The following UFSP2 variants were observed in gnomAD, a reference collection of about 807,000 sequenced individuals.
UFSP2 encodes ufm1-specific protease 2.
UFSP2 carries 43 observed loss-of-function variants against 60.2 expected under a neutral mutation model. The observed-to-expected ratio is 0.71, with a 90% CI of 0.56 to 0.92. The LOEUF is 0.92. Among genes scored for constraint, UFSP2 ranks in the 40% least tolerant of loss-of-function variants. The probability of loss-of-function intolerance (pLI) is 0.00; values close to 1 mark genes in which losing one functional copy is unlikely to be tolerated. For missense variants in UFSP2, 520 were observed against 575.0 expected (o/e 0.90, Z 0.98); for synonymous variants, 183 against 195.1 (o/e 0.94, Z 0.52).
Position 185,425,929 on chromosome 4 carries a change from C to T in UFSP2, c.-61G>A. 1 of 1,562,156 alleles carries T rather than the reference C, an allele frequency of 6.4e-7. No homozygotes were observed. Among genetic ancestry groups the T allele is most frequent in the South Asian group, 1.2e-5 (1 of 85,092 alleles). On this transcript the variant is annotated 5_prime_UTR_variant, in exon 1 of 12. Transcript: ENST00000264689. ...TGCCCAAAAGTTCCGGGGGCCGGCC[C>T]TGAAGTGGTGTCACCGCACGGCCCA...
At chr4:185,423,242 T>C (rs1356153060) in intron 1 of UFSP2, among the ~76,000 whole-genome samples, 1 of 152,196 alleles carries the variant, frequency 6.6e-6, no homozygotes, top group Non-Finnish European at 1.5e-5. Context: ...TTTAAGACAA[T>C]CTTTCCAAAT....
intron 7 of UFSP2, among the ~76,000 whole-genome samples, chr4:185,413,394 A>T (rs1338567700): frequency 6.6e-6 from 1 of 152,156 alleles, no homozygotes; most frequent in Non-Finnish European, 1.5e-5. Flanking sequence ...TCTCAAAAAA[A>T]CAAAAAAAGA....
In UFSP2 at chr4:185,400,456, G is replaced by A; in HGVS notation, c.1346C>T (p.Pro449Leu). 1.2e-6 allele frequency: 2 copies of A among 1,613,732 alleles called. No homozygotes were observed. The highest frequency in any genetic ancestry group is 1.7e-6 in the Non-Finnish European group (2 of 1,179,818). ...LEKGWCGWKG[P>L]DFWNKDAYYN... ...GTATGCATCCTTGTTCCAAAAATCT[G>A]GGCCCTTCCATCCGCACCAGCCCTG... is the stretch of plus-strand genomic sequence containing the variant. The change falls in exon 12 of 12, where the codon CCA (proline) becomes CTA (leucine). Residue 449 changes from proline (P) to leucine (L), a missense_variant. Pro to Leu is a moderately conservative substitution (Grantham distance 98). Transcript: ENST00000264689.
Position 185,399,875 on chromosome 4 carries a change from A to G in UFSP2, c.*517T>C. 1.3e-6 allele frequency: 2 copies of G among 1,551,038 alleles called. No individual in the cohort carries two copies. The highest frequency in any genetic ancestry group is 2.7e-5 in the African/African-American group (2 of 72,974). On this transcript the variant is annotated 3_prime_UTR_variant, in exon 12 of 12. Coordinates refer to ENST00000264689, the MANE Select transcript of UFSP2 (RefSeq NM_018359.5). ...TACTGACACTCGTATTTCTAGTAGT[A>G]TTGTTTCATTCTCATTAACATTTTA...
intron 7 of UFSP2, among the ~76,000 whole-genome samples, chr4:185,411,555 T>C (rs1339898109): frequency 3.3e-5 from 5 of 152,150 alleles, no homozygotes; most frequent in Non-Finnish European, 7.4e-5. Context: ...TAATGAGTCA[T>C]AACCAAACCG....
chr4:185,408,645 C>G (rs1038722845), intron 7 of UFSP2, among the ~76,000 whole-genome samples: 3 of 152,176 alleles, frequency 2.0e-5, no homozygotes, highest in Non-Finnish European at 2.9e-5. Context: ...CCAGCAGGAC[C>G]TACCTTCTGG....
At position 185,418,859 on chromosome 4, in the gene UFSP2, A is replaced by T. The variant is rs1028973696; in HGVS notation, c.83-89T>A. 4.2e-5 allele frequency: 44 copies of T among 1,043,812 alleles called. No individual in the cohort carries two copies. In the Middle Eastern group the frequency reaches 9.1e-4, roughly 21 times the overall value. The allele number at this position is 1,043,812 out of a possible 1,614,324, so 64.7% of individuals were successfully genotyped here. A position where few individuals can be genotyped will look rare whatever the true frequency, so the allele number is the denominator to read the frequency against. On this transcript the variant is annotated intron_variant, in intron 2 of 11. Coordinates refer to ENST00000264689, the MANE Select transcript of UFSP2 (RefSeq NM_018359.5). Reference sequence around the variant, plus strand: ...ACATACACAAAAGTAGAGCATAGTAAAACTCTCAATACCTATTCCCCATAT... The same window carrying T: ...ACATACACAAAAGTAGAGCATAGTATAACTCTCAATACCTATTCCCCATAT...
Position 185,400,470 on chromosome 4 carries a change from G to T in UFSP2, c.1332C>A (p.Cys444Ter). The change falls in exon 12 of 12, where the codon TGC becomes TGA. Residue 444 changes from cysteine to a stop codon, truncating the protein, a stop_gained. Transcript: ENST00000264689. LOFTEE classifies it high-confidence loss of function. ...TCCAAAAATCTGGGCCCTTCCATCCGCACCAGCCCTGGATAGAGAAGACGG... is the reference window on the plus strand; with the variant it reads ...TCCAAAAATCTGGGCCCTTCCATCCTCACCAGCCCTGGATAGAGAAGACGG... ...DLQVILEKGW[C>*]GWKGPDFWNK... is the part of the protein sequence containing the mutation. 1 of 1,612,610 alleles carries T rather than the reference G, an allele frequency of 6.2e-7. No homozygotes were observed. Among genetic ancestry groups the T allele is most frequent in the Non-Finnish European group, 8.5e-7 (1 of 1,179,060 alleles).
chr4:185,417,361 T>G (rs2095540536), intron 4 of UFSP2, among the ~76,000 whole-genome samples: 1 of 152,218 alleles, frequency 6.6e-6, no homozygotes, highest in Admixed American at 6.5e-5. Context: ...CATCTGTAAA[T>G]CTAACAGCTC....
chr4:185,422,338 T>G, intron 2 of UFSP2, 147 bp downstream of exon 2: 1 of 646,430 alleles, frequency 1.5e-6, no homozygotes. Context: ...ACACAGTGTC[T>G]AAGTGTAAGT....
At chr4:185,404,471 A>AT (rs1020038686) in intron 10 of UFSP2, among the ~76,000 whole-genome samples, 141 of 148,802 alleles carry the variant, frequency 9.5e-4, no homozygotes, top group African/African-American at 1.2e-3. Flanking sequence ...AATTTTTTGT[A>AT]TTTTTTTTTA....
rs191256886 is a variant in UFSP2 at position 185,400,493 on chromosome 4, C to T, written c.1324-15G>A. 778 of 1,596,628 alleles carry T rather than the reference C, an allele frequency of 4.9e-4. 5 individuals are homozygous for T. The African/African-American group carries it at 9.3e-3, about 19-fold the overall frequency. ...CCGCACCAGCCCTGGATAGAGAAGA[C>T]GGGAAAGGAAAGCCTTTTACAAAGT... On this transcript the variant is annotated splice_polypyrimidine_tract_variant and intron_variant, in intron 11 of 11. Coordinates refer to ENST00000264689, the MANE Select transcript of UFSP2 (RefSeq NM_018359.5).
At chr4:185,425,244 T>C (rs1227645185) in intron 1 of UFSP2, among the ~76,000 whole-genome samples, 1 of 152,064 alleles carries the variant, frequency 6.6e-6, no homozygotes, top group African/African-American at 2.4e-5. Context: ...AGTTGGGGGT[T>C]CCTGGAGGAA....
chr4:185,404,288 ATTAAGTTTTTTTT>A (rs1190368425), intron 10 of UFSP2, among the ~76,000 whole-genome samples: 4 of 135,598 alleles, frequency 2.9e-5, no homozygotes, highest in African/African-American at 1.1e-4. Context: ...CACTCCATTC[ATTAAGTTTTTTTT>A]TTTTTTTTTT....
chr4:185,415,974 T>C, intron 4 of UFSP2, 107 bp from the exon 5 acceptor site: 1 of 919,462 alleles, frequency 1.1e-6, no homozygotes, highest in Non-Finnish European at 1.6e-6. Context: ...GAAAAAAATT[T>C]AAGACTAGCC....
At chr4:185,417,992 C>T (rs1437087867) in intron 4 of UFSP2, among the ~76,000 whole-genome samples, 4 of 149,890 alleles carry the variant, frequency 2.7e-5, no homozygotes, top group Non-Finnish European at 4.4e-5. Flanking sequence ...TGCAGTGAGC[C>T]GAGATCGTGC....
At chr4:185,420,230 T>TTTG (rs2095546935) in intron 2 of UFSP2, among the ~76,000 whole-genome samples, 1 of 152,234 alleles carries the variant, frequency 6.6e-6, no homozygotes, top group Admixed American at 6.5e-5. Flanking sequence ...TTTGCTTTAG[T>TTTG]TTGTTTTTGT....
At position 185,415,328 on chromosome 4, in the gene UFSP2, C is replaced by A; in HGVS notation, c.511G>T (p.Asp171Tyr). 1 of 1,585,936 alleles carries A rather than the reference C, an allele frequency of 6.3e-7. No individual in the cohort carries two copies. Among genetic ancestry groups the A allele is most frequent in the South Asian group, 1.2e-5 (1 of 85,488 alleles). Residue 171 changes from aspartate (D) to tyrosine (Y), a missense_variant, in exon 6 of 12, where the codon GAT (aspartate) becomes TAT (tyrosine). By Grantham distance (160) the Asp-to-Tyr change is radical. Coordinates refer to ENST00000264689, the MANE Select transcript of UFSP2 (RefSeq NM_018359.5). ...TWGKVRKLLV[D>Y]AIHNQLTDME... ...TCAGTTAGTTGATTATGAATTGCATCAACCAGGAGTTTACGAACTCTGTGG... is the reference window on the plus strand; with the variant it reads ...TCAGTTAGTTGATTATGAATTGCATAAACCAGGAGTTTACGAACTCTGTGG...
chr4:185,422,520 C>A lies in UFSP2; in HGVS notation c.47G>T (p.Gly16Val). The A allele has an allele frequency of 6.2e-7, 1 of 1,611,624 alleles. No homozygotes were observed. The highest frequency in any genetic ancestry group is 8.5e-7 in the Non-Finnish European group (1 of 1,179,384). The change falls in exon 2 of 12, where the codon GGC (glycine) becomes GTC (valine). Residue 16 changes from glycine to valine, a missense_variant. By Grantham distance (109) the Gly-to-Val change is moderately radical. Coordinates refer to ENST00000264689, the MANE Select transcript of UFSP2 (RefSeq NM_018359.5). ...AGCTAGCTGAAAAGCCAAATCAAGGCCTCCTCTTATTCTGAAGAGTATATC... is the reference window on the plus strand; with the variant it reads ...AGCTAGCTGAAAAGCCAAATCAAGGACTCCTCTTATTCTGAAGAGTATATC... ...SMDILFRIRGGLDLAFQLATP... is the reference protein window; with the variant it reads ...SMDILFRIRGVLDLAFQLATP...
Sources: gnomAD v4.1 joint callset for allele counts (sites outside exome capture counted in the v4.1 genomes callset) on GRCh38, gnomAD v4.1.1 for gene constraint, MANE v1.5 for transcripts, NCBI Gene and HGNC (gene_info 2026-07-23, HGNC 2026-07-21) for gene names.